The following EIF5B variants were observed in gnomAD, a reference collection of about 807,000 sequenced individuals.
EIF5B encodes the protein eukaryotic translation initiation factor 5B.
A neutral mutation model predicts 147.5 loss-of-function variants in EIF5B; 47 were observed. The observed-to-expected ratio is 0.32, with a 90% confidence interval of 0.25 to 0.41. EIF5B has a LOEUF of 0.41. Among genes scored for constraint, EIF5B ranks in the 10% least tolerant of loss-of-function variants. The pLI is 1.00. For synonymous variants in EIF5B, 455 were observed against 456.2 expected (o/e 1.00, Z 0.03); for missense variants, 1,064 against 1,413.2 (o/e 0.75, Z 3.96).
chr2:99,352,204 A>AT (rs754768554), intron 1 of EIF5B, among the ~76,000 whole-genome samples: 8 of 150,738 alleles, frequency 5.3e-5, no homozygotes, highest in East Asian at 2.0e-4. Flanking sequence ...TCTTTTCTTC[A>AT]TTTTTTTTGA....
chr2:99,351,439 G>A (rs1476515346), intron 1 of EIF5B, among the ~76,000 whole-genome samples: 1 of 152,152 alleles, frequency 6.6e-6, no homozygotes, highest in Non-Finnish European at 1.5e-5. Context: ...TCTTTGTGTG[G>A]ACATGTATTT....
At chr2:99,348,166 T>C (rs1353565369) in intron 1 of EIF5B, among the ~76,000 whole-genome samples, 1 of 152,242 alleles carries the variant, frequency 6.6e-6, no homozygotes, top group Non-Finnish European at 1.5e-5. Context: ...GGCTGAATTT[T>C]GTAGAAGGTG....
At chr2:99,388,543 G>T (rs1674856232) in intron 14 of EIF5B, among the ~76,000 whole-genome samples, 1 of 152,090 alleles carries the variant, frequency 6.6e-6, no homozygotes, top group South Asian at 2.1e-4. Context: ...GTTGTTGATT[G>T]TGTCAAATTC....
In EIF5B at chr2:99,356,149, A is replaced by G. The variant is rs1414692151; in HGVS notation, c.36-4087A>G. 2.0e-5 allele frequency among the ~76,000 whole-genome samples: 3 copies of G among 152,270 alleles called. No individual in the cohort carries two copies. In the South Asian group the frequency reaches 6.2e-4, roughly 32 times the overall value. On this transcript the variant is annotated intron_variant, in intron 1 of 23. Transcript: ENST00000289371. ...TCCAGGGTCCTATACAGGATACCAC[A>G]TTACATTTAGTCAGCATTTATCCTT...
Position 99,361,232 on chromosome 2 carries a change from A to G in EIF5B, c.331A>G (p.Asn111Asp), listed in dbSNP as rs1674205002. The G allele has an allele frequency of 6.2e-7, 1 of 1,610,652 alleles. No homozygotes were observed. The highest frequency in any genetic ancestry group is 8.5e-7 in the Non-Finnish European group (1 of 1,179,234). The change falls in exon 4 of 24, where the codon AAT (asparagine) becomes GAT (aspartate). Residue 111 changes from asparagine to aspartate, a missense_variant. Asn to Asp is a conservative substitution (Grantham distance 23). This residue lies in a region of EIF5B where 458 missense variants were observed against 451.3 expected (regional missense o/e 1.01). Transcript: ENST00000289371. ...GGGCAAAAAACAGAGTTTTGATGATAATGATAGCGAAGAATTGGAAGATAA... is the reference window on the plus strand; with the variant it reads ...GGGCAAAAAACAGAGTTTTGATGATGATGATAGCGAAGAATTGGAAGATAA... ...QKGKKQSFDD[N>D]DSEELEDKDS... is the part of the protein sequence containing the mutation.
rs1674885749 is a variant in EIF5B, at chr2:99,389,786, A to G, written c.2340A>G (p.Lys780=). Reference sequence around the variant, plus strand: ...TGGCTGCTACTTTAAAGAAGCAGAAAAAGAATACAAAAGATGAATTTGAGG... The same window carrying G: ...TGGCTGCTACTTTAAAGAAGCAGAAGAAGAATACAAAAGATGAATTTGAGG... ...SDVAATLKKQ[K]KNTKDEFEER... Residue 780 remains lysine (K), a synonymous_variant, in exon 15 of 24, where the codon AAA becomes AAG. Transcript: ENST00000289371. 1.9e-6 allele frequency: 3 copies of G among 1,613,660 alleles called. No individual in the cohort carries two copies. Among genetic ancestry groups the G allele is most frequent in the Non-Finnish European group, 1.7e-6 (2 of 1,179,850 alleles).
In EIF5B at chr2:99,390,562, A is replaced by T. The variant is rs372326261; in HGVS notation, c.2605A>T (p.Met869Leu). The change falls in exon 17 of 24, where the codon ATG becomes TTG. Residue 869 changes from methionine (M) to leucine (L), a missense_variant. By Grantham distance (15) the Met-to-Leu change is conservative. This residue lies in a region of EIF5B where 380 missense variants were observed against 715.6 expected (regional missense o/e 0.53). Coordinates refer to ENST00000289371, the MANE Select transcript of EIF5B (RefSeq NM_015904.4). ...CTTTTAGGTTAAAGCTCTCCCGGGG[A>T]TGGGCACCACTATAGATGTCATCTT... is the stretch of plus-strand genomic sequence containing the variant. The part of the protein sequence containing the change: ...QVMEVKALPG[M>L]GTTIDVILIN... 2 of 1,607,260 alleles carry T rather than the reference A, an allele frequency of 1.2e-6. No homozygotes were observed. Among genetic ancestry groups the T allele is most frequent in the East Asian group, 4.5e-5 (2 of 44,652 alleles).
intron 1 of EIF5B, among the ~76,000 whole-genome samples, chr2:99,341,262 C>CT (rs2094258989): frequency 6.6e-6 from 1 of 152,152 alleles, no homozygotes; most frequent in Non-Finnish European, 1.5e-5. Flanking sequence ...GAATGAAACT[C>CT]TTGTCTGCAT....
rs753044944 is a variant in EIF5B, at chr2:99,376,402, GGAGGAAGAA to G, written c.1620_1628del (p.Glu541_Glu543del). On this transcript the variant is annotated inframe_deletion, in exon 10 of 24. Transcript: ENST00000289371. ...AAGAAAACCCTGAAGAGGAGGAGGA[GGAGGAAGAA>G]GAGGAAGAAGAAGATGAAGAAAGTG... 1.5e-5 allele frequency: 24 copies of G among 1,554,478 alleles called. No homozygotes were observed. The highest frequency in any genetic ancestry group is 1.7e-4 in the Middle Eastern group (1 of 5,996).
chr2:99,345,223 G>C (rs374468124), intron 1 of EIF5B, among the ~76,000 whole-genome samples: 39 of 152,290 alleles, frequency 2.6e-4, no homozygotes, highest in African/African-American at 9.1e-4. Context: ...GGTTAGCCTT[G>C]CCTGTTGTAT....
chr2:99,338,738 A>G (rs1210490105), intron 1 of EIF5B, among the ~76,000 whole-genome samples: 1 of 151,962 alleles, frequency 6.6e-6, no homozygotes, highest in Non-Finnish European at 1.5e-5. Flanking sequence ...ATGTAGGGGA[A>G]CACAAATTTC....
chr2:99,358,693 A>G (rs1194167950), intron 1 of EIF5B, among the ~76,000 whole-genome samples: 1 of 152,192 alleles, frequency 6.6e-6, no homozygotes, highest in Non-Finnish European at 1.5e-5. Context: ...CTCTTGAGGC[A>G]TAACACACCT....
At chr2:99,381,749 T>C (rs1270734358) in intron 12 of EIF5B, among the ~76,000 whole-genome samples, 2 of 152,130 alleles carry the variant, frequency 1.3e-5, no homozygotes, top group African/African-American at 2.4e-5. Context: ...AAATGTACTT[T>C]TGGGATATAT....
At chr2:99,382,035 A>G in intron 12 of EIF5B, 124 bp from the exon 13 acceptor site, 1 of 691,066 alleles carries the variant, frequency 1.4e-6, no homozygotes, top group Admixed American at 2.8e-5. Context: ...CACTGTTTCT[A>G]AAGCCATTTA....
rs766269644 is a variant in EIF5B at position 99,382,239 on chromosome 2, TG to T, written c.2129+14del. On this transcript the variant is annotated intron_variant, in intron 13 of 23. Transcript: ENST00000289371. ...ATGAATCTTTCAGGTAAGAGCAATT[TG>T]AGTCTTTTCTCATCAAGCAATCTAC... The T allele has an allele frequency of 1.2e-6, 2 of 1,611,086 alleles. No individual in the cohort carries two copies. The highest frequency in any genetic ancestry group is 1.7e-6 in the Non-Finnish European group (2 of 1,177,932).
intron 4 of EIF5B, among the ~76,000 whole-genome samples, chr2:99,362,644 A>T (rs566877294): frequency 6.6e-6 from 1 of 152,116 alleles, no homozygotes; most frequent in Non-Finnish European, 1.5e-5. Context: ...GCTTGCAGTG[A>T]GCGGAGATCG....
chr2:99,380,401 G>C (rs1674663564), intron 12 of EIF5B, among the ~76,000 whole-genome samples: 5 of 152,102 alleles, frequency 3.3e-5, no homozygotes, highest in Admixed American at 3.3e-4. Context: ...CATATTTACT[G>C]TGCATTAGTC....
intron 12 of EIF5B, among the ~76,000 whole-genome samples, chr2:99,380,860 G>C (rs1674673585): frequency 6.6e-6 from 1 of 152,132 alleles, no homozygotes; most frequent in Admixed American, 6.5e-5. Context: ...TTGAATTTTT[G>C]AATATTGAAG....
At chr2:99,339,175 G>A (rs911427172) in intron 1 of EIF5B, among the ~76,000 whole-genome samples, 1 of 151,100 alleles carries the variant, frequency 6.6e-6, no homozygotes, top group Admixed American at 6.6e-5. Flanking sequence ...CACCACATCC[G>A]GCTAGTTGTG....
Sources: gnomAD v4.1 joint callset for allele counts (sites outside exome capture counted in the v4.1 genomes callset) on GRCh38, gnomAD v4.1.1 for gene constraint, gnomAD v4.1.1 regional missense constraint, MANE v1.5 for transcripts, NCBI Gene and HGNC (gene_info 2026-07-23, HGNC 2026-07-21) for gene names.